FGGY: variants seen among roughly 807,000 people sequenced by gnomAD.
FGGY encodes FGGY carbohydrate kinase domain-containing protein.
Under a neutral mutation model 71.3 loss-of-function variants are expected in FGGY, and 72 were observed. That is an observed-to-expected ratio of 1.01 (90% confidence interval 0.84 to 1.23). FGGY has a LOEUF of 1.23. Among genes scored for constraint, FGGY ranks in the 50% most tolerant of loss-of-function variants. The pLI is 0.00. For missense variants in FGGY, 668 were observed against 682.3 expected (o/e 0.98, Z 0.23); for synonymous variants, 251 against 250.3 (o/e 1.00, Z -0.02).
At chr1:59,426,896 G>A (rs1334715576) in intron 5 of FGGY, among the ~76,000 whole-genome samples, 2 of 151,508 alleles carry the variant, frequency 1.3e-5, no homozygotes, top group Non-Finnish European at 2.9e-5. Flanking sequence ...AATTCTGTCA[G>A]CCAGTCCAGG....
intron 5 of FGGY, among the ~76,000 whole-genome samples, chr1:59,452,567 G>GA (rs2091290387): frequency 6.6e-6 from 1 of 152,174 alleles, no homozygotes; most frequent in African/African-American, 2.4e-5. Flanking sequence ...TCTCTCAGGT[G>GA]AACTACTCCC....
chr1:59,299,473 G>A (rs1459004313), intron 1 of FGGY, among the ~76,000 whole-genome samples: 2 of 152,238 alleles, frequency 1.3e-5, no homozygotes. Flanking sequence ...CCGGAGAGAG[G>A]TAATTGTAGT....
intron 6 of FGGY, among the ~76,000 whole-genome samples, chr1:59,474,950 A>C (rs988997590): frequency 1.3e-5 from 2 of 152,188 alleles, no homozygotes; most frequent in Admixed American, 6.5e-5. Context: ...TATCATGAGG[A>C]TGAAAGGTAA....
chr1:59,312,587 T>G (rs779858563), intron 1 of FGGY, among the ~76,000 whole-genome samples: 19 of 152,144 alleles, frequency 1.2e-4, no homozygotes, highest in Admixed American at 2.0e-4. Flanking sequence ...GAAGATGGTA[T>G]GGGAGATCTG....
rs1165363924 is a variant in FGGY, at chr1:59,535,468, T to G, written c.800-18656T>G. Reference sequence around the variant, plus strand: ...GATACCCAGGAATTGAACTCAGCTCTGCACCAAGGAGACCTAATAGACATC... The same window carrying G: ...GATACCCAGGAATTGAACTCAGCTCGGCACCAAGGAGACCTAATAGACATC... On this transcript the variant is annotated intron_variant, in intron 7 of 15. Transcript: ENST00000303721. 1.1e-4 allele frequency among the ~76,000 whole-genome samples: 17 copies of G among 152,278 alleles called. No homozygotes were observed. In the South Asian group the frequency reaches 3.5e-3, roughly 32 times the overall value.
chr1:59,365,113 T>A (rs547818399), intron 4 of FGGY, among the ~76,000 whole-genome samples: 1 of 152,182 alleles, frequency 6.6e-6, no homozygotes, highest in Non-Finnish European at 1.5e-5. Context: ...GAGGAGAGTT[T>A]GAATTGGAGT....
chr1:59,544,364 G>T (rs973205771), intron 7 of FGGY, among the ~76,000 whole-genome samples: 4 of 152,200 alleles, frequency 2.6e-5, no homozygotes, highest in African/African-American at 9.6e-5. Flanking sequence ...GCCTGTTAGT[G>T]CAGTTTCATC....
chr1:59,757,817 T>C (rs992324326), intron 14 of FGGY, 114 bp from the exon 15 acceptor site: 1 of 657,868 alleles, frequency 1.5e-6, no homozygotes, highest in Non-Finnish European at 2.6e-6. Flanking sequence ...AAAAGAGGAC[T>C]AACCAAATAT....
intron 14 of FGGY, among the ~76,000 whole-genome samples, chr1:59,710,610 A>C (rs1006694131): frequency 2.0e-5 from 3 of 152,250 alleles, no homozygotes; most frequent in Non-Finnish European, 4.4e-5. Context: ...AGAAAAAAGC[A>C]ACCCCATCAA....
intron 14 of FGGY, chr1:59,698,723 C>T (rs747219390): frequency 8.1e-6 from 8 of 983,238 alleles, no homozygotes; most frequent in Non-Finnish European, 9.7e-6. Context: ...TTACCTTTCA[C>T]CAGAGTTGAG....
At chr1:59,762,135 A>G (rs975905337) in intron 15 of FGGY, among the ~76,000 whole-genome samples, 1 of 151,188 alleles carries the variant, frequency 6.6e-6, no homozygotes, top group South Asian at 2.1e-4. Flanking sequence ...GTGCAACTCA[A>G]CCACTTCACA....
At chr1:59,577,686 T>C (rs146148395) in intron 8 of FGGY, among the ~76,000 whole-genome samples, 1 of 152,256 alleles carries the variant, frequency 6.6e-6, no homozygotes, top group African/African-American at 2.4e-5. Context: ...TTTAAATACT[T>C]TATGATGGCT....
rs371544838 is a variant in FGGY at position 59,568,067 on chromosome 1, A to G, written c.903+13840A>G. Reference sequence around the variant, plus strand: ...GCAGTTAATACTGTATATATACAATATAATGCATAACACTGCCAGTGAAGT... The same window carrying G: ...GCAGTTAATACTGTATATATACAATGTAATGCATAACACTGCCAGTGAAGT... On this transcript the variant is annotated intron_variant, in intron 8 of 15. Coordinates refer to ENST00000303721, the MANE Select transcript of FGGY (RefSeq NM_018291.5). 6.0e-4 allele frequency among the ~76,000 whole-genome samples: 92 copies of G among 152,254 alleles called. No individual in the cohort carries two copies. The South Asian group carries it at 9.3e-3, about 15-fold the overall frequency.
At position 59,428,877 on chromosome 1, in the gene FGGY, C is replaced by T. The variant is rs374192336; in HGVS notation, c.555-28084C>T. Among the ~76,000 whole-genome samples, 11 of 152,166 alleles carry T rather than the reference C, an allele frequency of 7.2e-5. No individual in the cohort carries two copies. In the East Asian group the frequency reaches 9.6e-4, roughly 13 times the overall value. Reference sequence around the variant, plus strand: ...AGGTGCTTTTGAATACGAAAGGTGGCGTGAGGATCCCTCTCACTTATGTCT... The same window carrying T: ...AGGTGCTTTTGAATACGAAAGGTGGTGTGAGGATCCCTCTCACTTATGTCT... On this transcript the variant is annotated intron_variant, in intron 5 of 15. Transcript: ENST00000303721.
intron 9 of FGGY, among the ~76,000 whole-genome samples, chr1:59,608,428 A>C (rs1306674969): frequency 6.6e-6 from 1 of 151,908 alleles, no homozygotes; most frequent in Non-Finnish European, 1.5e-5. Flanking sequence ...GGAGTTCTTT[A>C]CCACCTCAAT....
chr1:59,439,477 C>T (rs564629475), intron 5 of FGGY, among the ~76,000 whole-genome samples: 91 of 152,080 alleles, frequency 6.0e-4, no homozygotes, highest in African/African-American at 2.0e-3. Context: ...CTGTGTAATC[C>T]ATTCCTCTCT....
At chr1:59,317,121 G>T (rs994550286) in intron 1 of FGGY, among the ~76,000 whole-genome samples, 1 of 152,134 alleles carries the variant, frequency 6.6e-6, no homozygotes, top group Non-Finnish European at 1.5e-5. Flanking sequence ...ACCTCACAGG[G>T]TTGCTATAAG....
intron 6 of FGGY, among the ~76,000 whole-genome samples, chr1:59,462,754 T>G (rs1011401091): frequency 2.6e-5 from 4 of 151,954 alleles, no homozygotes; most frequent in African/African-American, 9.7e-5. Flanking sequence ...AAAACCACAA[T>G]GAGATACCAT....
intron 14 of FGGY, among the ~76,000 whole-genome samples, chr1:59,711,122 T>C (rs9436597): frequency 0.015 from 2,277 of 152,270 alleles, 49 homozygotes; most frequent in African/African-American, 0.052. Flanking sequence ...TAAAAAAGAA[T>C]GAGTTCATGT....
Sources: gnomAD v4.1 joint callset for allele counts (sites outside exome capture counted in the v4.1 genomes callset) on GRCh38, gnomAD v4.1.1 for gene constraint, MANE v1.5 for transcripts, NCBI Gene and HGNC (gene_info 2026-07-23, HGNC 2026-07-21) for gene names.